The following RALGPS2 variants were observed in gnomAD, a reference collection of about 807,000 sequenced individuals.
RALGPS2 encodes the protein Ral GEF with PH domain and SH3 binding motif 2.
In RALGPS2, 43 loss-of-function variants were observed where a neutral mutation model predicts 86.8. That is an observed-to-expected ratio of 0.50 (90% CI 0.39 to 0.64). The LOEUF is 0.64. RALGPS2 is among the 30% of genes least tolerant of loss of function. The probability of loss-of-function intolerance (pLI) is 0.00; values close to 1 mark genes in which losing one functional copy is unlikely to be tolerated. For synonymous variants in RALGPS2, 243 were observed against 231.3 expected (o/e 1.05, Z -0.46); for missense variants, 536 against 694.6 (o/e 0.77, Z 2.57).
At chr1:178,750,887 C>G (rs935404365) in intron 1 of RALGPS2, among the ~76,000 whole-genome samples, 2 of 152,122 alleles carry the variant, frequency 1.3e-5, no homozygotes, top group African/African-American at 2.4e-5. Flanking sequence ...TCCTGAGTCC[C>G]TTTGAAAATC....
chr1:178,788,047 A>G (rs1572332725), intron 4 of RALGPS2, among the ~76,000 whole-genome samples: 1 of 152,240 alleles, frequency 6.6e-6, no homozygotes, highest in East Asian at 1.9e-4. Context: ...CTGCAACCCC[A>G]TCTTACATCT....
At chr1:178,811,468 A>AGCATCACGAATATT in intron 6 of RALGPS2, 64 bp downstream of exon 6, 1 of 1,102,852 alleles carries the variant, frequency 9.1e-7, no homozygotes, top group Non-Finnish European at 1.3e-6. Flanking sequence ...AAGTGAATAA[A>AGCATCACGAATATT]TATTCGTGAT....
chr1:178,737,351 A>G (rs916852062), intron 1 of RALGPS2, among the ~76,000 whole-genome samples: 1 of 152,150 alleles, frequency 6.6e-6, no homozygotes, highest in Non-Finnish European at 1.5e-5. Flanking sequence ...GGTTCAAGCA[A>G]TTCTCTGCCT....
chr1:178,805,908 G>A (rs2102187200), intron 4 of RALGPS2, among the ~76,000 whole-genome samples: 1 of 152,062 alleles, frequency 6.6e-6, no homozygotes, highest in African/African-American at 2.4e-5. Context: ...TGAATGTACT[G>A]AATGTCTCTT....
chr1:178,908,761 T>G (rs977983639), intron 19 of RALGPS2, among the ~76,000 whole-genome samples: 3 of 152,240 alleles, frequency 2.0e-5, no homozygotes, highest in Non-Finnish European at 4.4e-5. Context: ...TTAATGGGGT[T>G]GTTTTTTGCC....
At chr1:178,862,798 G>A (rs369456128) in intron 8 of RALGPS2, among the ~76,000 whole-genome samples, 1 of 152,048 alleles carries the variant, frequency 6.6e-6, no homozygotes, top group East Asian at 1.9e-4. Context: ...TCTTTAGGAG[G>A]ACATTATTCT....
chr1:178,831,612 T>C lies in RALGPS2; in HGVS notation c.481-1812T>C, dbSNP rs112473145. On this transcript the variant is annotated intron_variant, in intron 7 of 19. Coordinates refer to ENST00000367635, the MANE Select transcript of RALGPS2 (RefSeq NM_152663.5). ...CATGTAGAAGTAGAACACTGTGAAG[T>C]ATTTTGTCCGCCCCGCCCCCCCCAC... Among the ~76,000 whole-genome samples the C allele has an allele frequency of 1.2e-3, 180 of 150,822 alleles. 1 individual carries two copies. The highest frequency in any genetic ancestry group is 4.1e-3 in the African/African-American group (165 of 40,512).
At chr1:178,827,454 G>A (rs113943773) in intron 7 of RALGPS2, among the ~76,000 whole-genome samples, 3,042 of 148,084 alleles carry the variant, frequency 0.021, 120 homozygotes, top group African/African-American at 0.073. Flanking sequence ...GAGTGCAGTG[G>A]CGGGATCTCG....
rs573042193 is a variant in RALGPS2 at position 178,913,997 on chromosome 1, G to A, written c.1723-2333G>A. On this transcript the variant is annotated intron_variant, in intron 19 of 19. Coordinates refer to ENST00000367635, the MANE Select transcript of RALGPS2 (RefSeq NM_152663.5). Reference sequence around the variant, plus strand: ...AAAAGCACTATGGTGACAGTCGCCCGCAAAAGCATTCCAACAGAATAGTGG... The same window carrying A: ...AAAAGCACTATGGTGACAGTCGCCCACAAAAGCATTCCAACAGAATAGTGG... 5.3e-5 allele frequency among the ~76,000 whole-genome samples: 8 copies of A among 152,276 alleles called. No homozygotes were observed. In the South Asian group the frequency reaches 1.2e-3, roughly 24 times the overall value.
At chr1:178,760,380 G>A (rs954060664) in intron 1 of RALGPS2, among the ~76,000 whole-genome samples, 2 of 152,160 alleles carry the variant, frequency 1.3e-5, no homozygotes, top group Admixed American at 1.3e-4. Flanking sequence ...TTTTGAGTGT[G>A]TATATATTTA....
Position 178,836,283 on chromosome 1 carries a change from G to A in RALGPS2, c.607+2733G>A, listed in dbSNP as rs190137356. Among the ~76,000 whole-genome samples the A allele has an allele frequency of 1.2e-4, 19 of 152,258 alleles. No homozygotes were observed. In the Middle Eastern group the frequency reaches 0.014, roughly 109 times the overall value. On this transcript the variant is annotated intron_variant, in intron 8 of 19. Coordinates refer to ENST00000367635, the MANE Select transcript of RALGPS2 (RefSeq NM_152663.5). ...CATACCTACGGGTTAAAGCAAATGC[G>A]GAAAATGTTGAGGTACAGATGTTAA... is the stretch of plus-strand genomic sequence containing the variant.
chr1:178,765,995 C>T (rs1203579480), intron 1 of RALGPS2, among the ~76,000 whole-genome samples: 1 of 152,122 alleles, frequency 6.6e-6, no homozygotes, highest in Admixed American at 6.5e-5. Flanking sequence ...GCAGTCATCA[C>T]AGGGTCCTGA....
chr1:178,915,760 T>C (rs1483877491), intron 19 of RALGPS2, among the ~76,000 whole-genome samples: 1 of 152,226 alleles, frequency 6.6e-6, no homozygotes, highest in Non-Finnish European at 1.5e-5. Flanking sequence ...CACTGACATA[T>C]GAATACCTCT....
chr1:178,799,231 G>A (rs1654351156), intron 4 of RALGPS2, among the ~76,000 whole-genome samples: 2 of 152,024 alleles, frequency 1.3e-5, no homozygotes, highest in Admixed American at 6.6e-5. Flanking sequence ...AGTAGAGATG[G>A]GGTTTCACCG....
intron 8 of RALGPS2, among the ~76,000 whole-genome samples, chr1:178,860,054 A>G (rs569066137): frequency 7.9e-5 from 12 of 152,212 alleles, no homozygotes; most frequent in African/African-American, 1.2e-4. Flanking sequence ...GACCCCAGAA[A>G]GCTTTGCCAG....
intron 4 of RALGPS2, among the ~76,000 whole-genome samples, chr1:178,788,650 A>G (rs1653785548): frequency 6.6e-6 from 1 of 152,102 alleles, no homozygotes; most frequent in Non-Finnish European, 1.5e-5. Flanking sequence ...CAAGGGAGGG[A>G]ATGTACTAGA....
At chr1:178,788,828 GTTTTC>G (rs1558120220) in intron 4 of RALGPS2, among the ~76,000 whole-genome samples, 1 of 122,394 alleles carries the variant, frequency 8.2e-6, no homozygotes, top group Non-Finnish European at 1.7e-5. Flanking sequence ...CTTTTCTTTT[GTTTTC>G]TTTCTTTCTT....
chr1:178,759,880 T>C (rs1652150770), intron 1 of RALGPS2, among the ~76,000 whole-genome samples: 1 of 152,202 alleles, frequency 6.6e-6, no homozygotes, highest in Admixed American at 6.5e-5. Flanking sequence ...AATTGCTTTT[T>C]CAGATTGTTC....
chr1:178,897,527 C>G (rs1191268055), intron 16 of RALGPS2, 137 bp from the exon 17 acceptor site: 2 of 653,016 alleles, frequency 3.1e-6, no homozygotes, highest in African/African-American at 1.8e-5. Context: ...ATTAAGATTT[C>G]AGAAGTGATA....
Sources: allele counts gnomAD v4.1 joint callset (sites outside exome capture counted in the v4.1 genomes callset), GRCh38; gene constraint gnomAD v4.1.1; transcripts MANE v1.5; gene names NCBI Gene and HGNC (gene_info 2026-07-23, HGNC 2026-07-21).